Variants in MOCS1 observed in about 807,000 individuals in gnomAD.
MOCS1 encodes molybdenum cofactor synthesis 1.
Under a neutral mutation model 57.6 loss-of-function variants are expected in MOCS1, and 39 were observed. The observed-to-expected ratio is 0.68, with a 90% CI of 0.52 to 0.88. The LOEUF is 0.88. Ranked by LOEUF, MOCS1 falls within the 40% of genes least tolerant of loss-of-function variation. The pLI is 0.00. For synonymous variants in MOCS1, 334 were observed against 335.7 expected (o/e 1.00, Z 0.05); for missense variants, 795 against 831.1 (o/e 0.96, Z 0.53).
At chr6:39,912,437 T>C in intron 7 of MOCS1, 63 bp from the exon 8 acceptor site, 1 of 1,180,610 alleles carries the variant, frequency 8.5e-7, no homozygotes, top group Non-Finnish European at 1.3e-6. Flanking sequence ...GCCCAGTTTC[T>C]CACTCCATGA....
chr6:39,911,841 G>T (rs1293059616), intron 8 of MOCS1, among the ~76,000 whole-genome samples: 1 of 152,184 alleles, frequency 6.6e-6, no homozygotes, highest in African/African-American at 2.4e-5. Flanking sequence ...GACGAGAAGG[G>T]GTCCCGACAT....
intron 10 of MOCS1, among the ~76,000 whole-genome samples, chr6:39,907,868 G>T (rs1016684328): frequency 3.3e-5 from 5 of 152,298 alleles, no homozygotes; most frequent in Middle Eastern, 3.4e-3. Context: ...ATTCTGAGAG[G>T]CCCTGTCCTA....
At chr6:39,908,445 A>G (rs1767089952) in intron 10 of MOCS1, among the ~76,000 whole-genome samples, 2 of 152,086 alleles carry the variant, frequency 1.3e-5, no homozygotes, top group Admixed American at 1.3e-4. Context: ...AGGACTTAAA[A>G]CCAGGGGGCT....
At chr6:39,932,058 G>C (rs1170157586) in intron 1 of MOCS1, among the ~76,000 whole-genome samples, 5 of 151,898 alleles carry the variant, frequency 3.3e-5, no homozygotes, top group Admixed American at 1.3e-4. Context: ...CCCCCTTTCC[G>C]CAATCCTCAC....
chr6:39,930,551 C>T (rs1312603491), intron 1 of MOCS1, among the ~76,000 whole-genome samples: 2 of 151,762 alleles, frequency 1.3e-5, no homozygotes, highest in Non-Finnish European at 1.5e-5. Context: ...CATTTCCCGG[C>T]TGGTCTCTAC....
intron 4 of MOCS1, among the ~76,000 whole-genome samples, chr6:39,915,059 C>T (rs751401546): frequency 1.3e-5 from 2 of 152,182 alleles, no homozygotes; most frequent in Non-Finnish European, 1.5e-5. Context: ...CTAGTTCTCT[C>T]CTGCTAAGAG....
Position 39,905,955 on chromosome 6 carries a change from G to A in MOCS1, c.*402C>T. The stretch of plus-strand genomic sequence containing the variant: ...CAAAGTGGGCTCCTCTGCTTAATGA[G>A]CGCTTAATCTCTCCCCAGGAAAGCA... On this transcript the variant is annotated 3_prime_UTR_variant, in exon 11 of 11. Transcript: ENST00000340692. 2 of 461,756 alleles carry A rather than the reference G, an allele frequency of 4.3e-6. No homozygotes were observed. Among genetic ancestry groups the A allele is most frequent in the Non-Finnish European group, 4.4e-6 (1 of 229,332 alleles). 28.6% of individuals were successfully genotyped at this position (461,756 alleles called of 1,614,324 possible).
At chr6:39,931,118 GACC>G (rs1296487912) in intron 1 of MOCS1, among the ~76,000 whole-genome samples, 2 of 151,782 alleles carry the variant, frequency 1.3e-5, no homozygotes, top group African/African-American at 2.4e-5. Context: ...GCATCCCCAG[GACC>G]ACCAATACTG....
intron 3 of MOCS1, among the ~76,000 whole-genome samples, chr6:39,918,676 G>A (rs900929696): frequency 1.3e-5 from 2 of 151,868 alleles, no homozygotes; most frequent in East Asian, 1.9e-4. Context: ...GGAAATGCAC[G>A]CACTATATTA....
chr6:39,908,420 G>A (rs116607875), intron 10 of MOCS1, among the ~76,000 whole-genome samples: 5,143 of 152,234 alleles, frequency 0.034, 95 homozygotes, highest in Middle Eastern at 0.054. Context: ...GCCCCCAGGG[G>A]TAGGAGACCA....
chr6:39,911,521 G>C (rs989513121), intron 8 of MOCS1, among the ~76,000 whole-genome samples: 1 of 152,208 alleles, frequency 6.6e-6, no homozygotes, highest in Non-Finnish European at 1.5e-5. Flanking sequence ...CATGGGGGAT[G>C]TCTCCCCTGT....
rs1191585963 is a variant in MOCS1, at chr6:39,904,853, C to T, written c.*1504G>A. The T allele has an allele frequency of 2.2e-6, 1 of 454,102 alleles. No homozygotes were observed. Among genetic ancestry groups the T allele is most frequent in the African/African-American group, 2.0e-5 (1 of 50,120 alleles). The allele number at this position is 454,102 out of a possible 1,614,324, so 28.1% of individuals were successfully genotyped here. A position where few individuals can be genotyped will look rare whatever the true frequency, so the allele number is the denominator to read the frequency against. ...TTGTAATACTAAAAAATATTAAATT[C>T]ATACCATCCCTACCCAGTCTGCCTT... On this transcript the variant is annotated 3_prime_UTR_variant, in exon 11 of 11. Coordinates refer to ENST00000340692, the MANE Select transcript of MOCS1 (RefSeq NM_001358530.2).
chr6:39,909,751 C>T, intron 9 of MOCS1, 84 bp downstream of exon 9: 10 of 1,581,456 alleles, frequency 6.3e-6, no homozygotes, highest in African/African-American at 1.3e-5. Context: ...GTTCCTTGGT[C>T]ATCTCACCCC....
intron 1 of MOCS1, among the ~76,000 whole-genome samples, chr6:39,934,028 G>T (rs1768777507): frequency 6.6e-6 from 1 of 152,100 alleles, no homozygotes; most frequent in South Asian, 2.1e-4. Flanking sequence ...CTGCTTACCC[G>T]AATTTCTGGC....
chr6:39,904,273 G>T lies in MOCS1; in HGVS notation c.*2084C>A, dbSNP rs1242520732. 4.4e-6 allele frequency: 2 copies of T among 456,752 alleles called. No individual in the cohort carries two copies. Among genetic ancestry groups the T allele is most frequent in the East Asian group, 6.9e-5 (1 of 14,406 alleles). 28.3% of individuals were successfully genotyped at this position (456,752 alleles called of 1,614,324 possible). On this transcript the variant is annotated 3_prime_UTR_variant, in exon 11 of 11. Coordinates refer to ENST00000340692, the MANE Select transcript of MOCS1 (RefSeq NM_001358530.2). The stretch of plus-strand genomic sequence containing the variant: ...CTCAGCCTTCTCACTCTAAAAGAAA[G>T]ATATTTTTCTATTTATTTTCTACAT...
Position 39,909,108 on chromosome 6 carries a change from G to A in MOCS1, c.1103-6C>T. On this transcript the variant is annotated splice_polypyrimidine_tract_variant and splice_region_variant and intron_variant, in intron 9 of 10. Transcript: ENST00000340692. ...CTGGGAAATACTGAACATGCCTGGG[G>A]TGAGGGAAAGATGGGGAGGGAGAGG... The A allele has an allele frequency of 6.2e-7, 1 of 1,604,686 alleles. No individual in the cohort carries two copies. The highest frequency in any genetic ancestry group is 8.5e-7 in the Non-Finnish European group (1 of 1,175,914).
At chr6:39,931,991 C>T (rs1483455170) in intron 1 of MOCS1, among the ~76,000 whole-genome samples, 1 of 152,148 alleles carries the variant, frequency 6.6e-6, no homozygotes, top group African/African-American at 2.4e-5. Flanking sequence ...TTGACCCACA[C>T]ACTACTCCTT....
intron 1 of MOCS1, among the ~76,000 whole-genome samples, chr6:39,931,509 T>C (rs1768642164): frequency 6.6e-6 from 1 of 151,994 alleles, no homozygotes; most frequent in Non-Finnish European, 1.5e-5. Flanking sequence ...CGATTCTCCT[T>C]CCCCCTCCCC....
At chr6:39,909,398 C>T (rs189987624) in intron 9 of MOCS1, among the ~76,000 whole-genome samples, 3 of 151,988 alleles carry the variant, frequency 2.0e-5, no homozygotes, top group South Asian at 2.1e-4. Flanking sequence ...GAAACAAACG[C>T]GCTTGACAGC....
Sources: gnomAD v4.1 joint callset for allele counts (sites outside exome capture counted in the v4.1 genomes callset) on GRCh38, gnomAD v4.1.1 for gene constraint, MANE v1.5 for transcripts, NCBI Gene and HGNC (gene_info 2026-07-23, HGNC 2026-07-21) for gene names.